The following PVT1 variants were observed in gnomAD, a reference collection of about 807,000 sequenced individuals.
PVT1 encodes the protein Pvt1 oncogene.
At chr8:127,897,028 T>G (rs1815688044) in intron 3 of PVT1, among the ~76,000 whole-genome samples, 1 of 152,124 alleles carries the variant, frequency 6.6e-6, no homozygotes, top group South Asian at 2.1e-4. Flanking sequence ...TGCAGCCCCC[T>G]CCTCCTGGGG....
At chr8:127,870,643 C>T (rs1212468043) in intron 2 of PVT1, among the ~76,000 whole-genome samples, 2 of 152,204 alleles carry the variant, frequency 1.3e-5, no homozygotes, top group Admixed American at 1.3e-4. Flanking sequence ...CCATTTCATT[C>T]TGCATTTAGA....
rs1815257183 is a variant in PVT1, at chr8:127,863,966, A to G, written n.373-26623A>G. 2.6e-5 allele frequency among the ~76,000 whole-genome samples: 4 copies of G among 152,360 alleles called. No individual in the cohort carries two copies. The South Asian group carries it at 6.2e-4, about 24-fold the overall frequency. On this transcript the variant is annotated intron_variant and non_coding_transcript_variant, in intron 2 of 10. Coordinates refer to ENST00000651587, the Ensembl canonical transcript of PVT1. The stretch of plus-strand genomic sequence containing the variant: ...CACTGATTCCAGGTTATTTTGGCTC[A>G]GCGCGGATGGAGCGAGATGTAGGGG...
At chr8:128,024,599 C>G (rs1817472937) in intron 4 of PVT1, among the ~76,000 whole-genome samples, 3 of 152,050 alleles carry the variant, frequency 2.0e-5, no homozygotes. Context: ...TGCACTCCAG[C>G]CTGGGTGACA....
chr8:127,969,542 G>A (rs1346788677), intron 3 of PVT1, among the ~76,000 whole-genome samples: 1 of 152,154 alleles, frequency 6.6e-6, no homozygotes, highest in Non-Finnish European at 1.5e-5. Context: ...AGATTGGTAT[G>A]CAGCCATTCA....
chr8:127,797,124 C>T (rs1424884700), intron 2 of PVT1, among the ~76,000 whole-genome samples: 2 of 152,090 alleles, frequency 1.3e-5, no homozygotes, highest in African/African-American at 2.4e-5. Context: ...GTGATCCGCC[C>T]GCCTTGGCCT....
intron 4 of PVT1, among the ~76,000 whole-genome samples, chr8:128,040,734 G>C (rs1378993201): frequency 6.6e-6 from 1 of 152,016 alleles, no homozygotes. Flanking sequence ...ATATGTGTTT[G>C]GGTGTGAGTG....
At chr8:127,856,234 G>C (rs188999347) in intron 2 of PVT1, among the ~76,000 whole-genome samples, 23 of 152,160 alleles carry the variant, frequency 1.5e-4, no homozygotes, top group Admixed American at 7.9e-4. Flanking sequence ...TAGGGCTTAG[G>C]GGGTATGCTG....
At position 127,897,700 on chromosome 8, in the gene PVT1, AGAAG is replaced by A. The variant is rs567901246; in HGVS notation, n.782+6709_782+6712del. 5.3e-3 allele frequency among the ~76,000 whole-genome samples: 808 copies of A among 151,162 alleles called. 2 individuals carry two copies. Among genetic ancestry groups the A allele is most frequent in the South Asian group, 0.011 (51 of 4,792 alleles). On this transcript the variant is annotated intron_variant and non_coding_transcript_variant, in intron 3 of 10. Transcript: ENST00000651587. ...AAAGAAAGAAAAAGGAAGGAAGGAA[AGAAG>A]GAAGGAGGGGAAGAAGGAAGAAAGA...
intron 2 of PVT1, among the ~76,000 whole-genome samples, chr8:127,862,855 T>A (rs2129754158): frequency 6.6e-6 from 1 of 152,332 alleles, no homozygotes; most frequent in African/African-American, 2.4e-5. Context: ...AATTTTTTTC[T>A]CATTGATTTG....
chr8:128,075,450 TA>T lies in PVT1; in HGVS notation n.1114+5098del, dbSNP rs368920788. ...TTATATTTCTATTTTCTCCTTTTTTTAAAAAAAAATCTTTTATTACGTAAAT... is the reference window on the plus strand; with the variant it reads ...TTATATTTCTATTTTCTCCTTTTTTTAAAAAAAATCTTTTATTACGTAAAT... On this transcript the variant is annotated intron_variant and non_coding_transcript_variant, in intron 5 of 10. Transcript: ENST00000651587. Among the ~76,000 whole-genome samples the T allele has an allele frequency of 4.5e-3, 648 of 144,196 alleles. 2 individuals are homozygous for T. Among genetic ancestry groups the T allele is most frequent in the Middle Eastern group, 0.018 (5 of 280 alleles). 94.6% of individuals were successfully genotyped at this position (144,196 alleles called of 152,430 possible).
rs189871739 is a variant in PVT1 at position 127,900,444 on chromosome 8, C to T, written n.782+9446C>T. Among the ~76,000 whole-genome samples the T allele has an allele frequency of 2.6e-5, 4 of 152,248 alleles. No individual in the cohort carries two copies. The East Asian group carries it at 5.8e-4, about 22-fold the overall frequency. ...TCCTTCTCTTCATACAAGTACCTCT[C>T]CTGAACTTGGGGTATAACAGGTCAT... On this transcript the variant is annotated intron_variant and non_coding_transcript_variant, in intron 3 of 10. Transcript: ENST00000651587.
chr8:127,803,147 A>G (rs1419878223), intron 2 of PVT1: 2 of 23,212 alleles, frequency 8.6e-5, no homozygotes, highest in Non-Finnish European at 2.0e-4. Flanking sequence ...TTTTTTTTTT[A>G]AGACGGAGTC....
intron 4 of PVT1, among the ~76,000 whole-genome samples, chr8:128,012,740 G>C (rs1399553419): frequency 6.6e-6 from 1 of 152,116 alleles, no homozygotes; most frequent in African/African-American, 2.4e-5. Flanking sequence ...GTCCTGTTTT[G>C]TACCTTGTAA....
At chr8:128,053,844 C>T (rs1330988671) in intron 4 of PVT1, among the ~76,000 whole-genome samples, 1 of 152,240 alleles carries the variant, frequency 6.6e-6, no homozygotes, top group African/African-American at 2.4e-5. Context: ...CAAGGCCAGG[C>T]CAGGGCAGCC....
At chr8:128,057,580 G>C (rs1813777397) in intron 4 of PVT1, among the ~76,000 whole-genome samples, 2 of 152,192 alleles carry the variant, frequency 1.3e-5, no homozygotes, top group Admixed American at 6.5e-5. Flanking sequence ...TGACGTGGGA[G>C]GTACAGAATG....
intron 3 of PVT1, among the ~76,000 whole-genome samples, chr8:127,986,556 A>G (rs79021932): frequency 0.011 from 1,698 of 152,122 alleles, 33 homozygotes; most frequent in African/African-American, 0.038. Flanking sequence ...AGGATCTAGC[A>G]CCTCCCATCA....
chr8:128,086,349 A>T (rs560080791), intron 5 of PVT1, among the ~76,000 whole-genome samples: 3 of 152,132 alleles, frequency 2.0e-5, no homozygotes, highest in Non-Finnish European at 2.9e-5. Context: ...GCTTGACGTT[A>T]AGTGTTCACA....
intron 2 of PVT1, among the ~76,000 whole-genome samples, chr8:127,828,143 C>T (rs1341970522): frequency 6.6e-6 from 1 of 152,200 alleles, no homozygotes; most frequent in Non-Finnish European, 1.5e-5. Context: ...AGGCTATGTG[C>T]TTTCTGGCAG....
chr8:128,048,443 T>G (rs529369772), intron 4 of PVT1: 1 of 152,358 alleles, frequency 6.6e-6, no homozygotes, highest in South Asian at 2.1e-4. Flanking sequence ...CTCATTATCC[T>G]TTAGGCTACA....
Sources: gnomAD v4.1 joint callset for allele counts (sites outside exome capture counted in the v4.1 genomes callset) on GRCh38, gnomAD v4.1.1 for gene constraint, MANE v1.5 for transcripts, NCBI Gene and HGNC (gene_info 2026-07-23, HGNC 2026-07-21) for gene names.